The following PTPRN2 variants were observed in gnomAD, a reference collection of about 807,000 sequenced individuals.
PTPRN2 encodes the protein protein tyrosine phosphatase receptor type N2, also known as receptor-type tyrosine-protein phosphatase N2.
A neutral mutation model predicts 118.8 loss-of-function variants in PTPRN2; 74 were observed. The observed-to-expected ratio is 0.62, with a 90% confidence interval of 0.52 to 0.76. The LOEUF (loss-of-function observed/expected upper bound fraction) is 0.76, where lower values mean the gene tolerates loss of function less well. PTPRN2 is among the 30% of genes least tolerant of loss of function. PTPRN2 has a pLI of 0.00. For missense variants in PTPRN2, 1,481 were observed against 1,394.4 expected, an observed-to-expected ratio of 1.06 and a Z score of -0.99; for synonymous variants, 641 against 608.0, an observed-to-expected ratio of 1.05 and a Z score of -0.80.
chr7:157,978,257 C>T (rs980080202), intron 11 of PTPRN2, among the ~76,000 whole-genome samples: 3 of 151,964 alleles, frequency 2.0e-5, no homozygotes, highest in Admixed American at 1.3e-4. Flanking sequence ...TCTCAAACAG[C>T]TCCCGTGTGG....
At chr7:158,044,947 T>C (rs1808738091) in intron 11 of PTPRN2, among the ~76,000 whole-genome samples, 1 of 152,180 alleles carries the variant, frequency 6.6e-6, no homozygotes, top group South Asian at 2.1e-4. Context: ...CCCCAAACAA[T>C]AACAACAACT....
At chr7:157,668,437 C>G (rs1355364224) in intron 13 of PTPRN2, among the ~76,000 whole-genome samples, 8 of 152,214 alleles carry the variant, frequency 5.3e-5, no homozygotes, top group Non-Finnish European at 2.9e-5. Context: ...AGTGTGCGCA[C>G]AGAGAGCCTT....
intron 2 of PTPRN2, among the ~76,000 whole-genome samples, chr7:158,431,546 C>T (rs1402320387): frequency 6.8e-6 from 1 of 147,908 alleles, no homozygotes; most frequent in Non-Finnish European, 1.5e-5. Flanking sequence ...ATCGAGCACA[C>T]ACTGGCTCAC....
chr7:157,565,049 G>A (rs1469774109), intron 21 of PTPRN2, among the ~76,000 whole-genome samples: 1 of 152,252 alleles, frequency 6.6e-6, no homozygotes, highest in Admixed American at 6.5e-5. Context: ...ACATATAACA[G>A]TCACGGAAGC....
chr7:157,653,956 C>T, intron 14 of PTPRN2, among the ~76,000 whole-genome samples: 1 of 130,694 alleles, frequency 7.7e-6, no homozygotes, highest in Middle Eastern at 4.3e-3. Context: ...GCCCGCTGCT[C>T]CCCACACCCA....
At chr7:158,270,783 A>AGC (rs1798298513) in intron 3 of PTPRN2, among the ~76,000 whole-genome samples, 7 of 51,264 alleles carry the variant, frequency 1.4e-4, no homozygotes, top group African/African-American at 5.6e-4. Flanking sequence ...CACCTGGACC[A>AGC]CCCCTCCACC....
At chr7:158,270,276 G>A (rs1798220937) in intron 3 of PTPRN2, among the ~76,000 whole-genome samples, 1 of 152,238 alleles carries the variant, frequency 6.6e-6, no homozygotes, top group Non-Finnish European at 1.5e-5. Context: ...GGCAAGTCAT[G>A]GCCAGAAGGC....
intron 2 of PTPRN2, among the ~76,000 whole-genome samples, chr7:158,322,673 T>C (rs960232591): frequency 3.6e-5 from 5 of 138,058 alleles, no homozygotes; most frequent in African/African-American, 1.4e-4. Context: ...CAGTTCTGGA[T>C]CAGGCAGGAG....
intron 9 of PTPRN2, among the ~76,000 whole-genome samples, chr7:158,128,122 C>T (rs979725975): frequency 6.6e-6 from 1 of 152,114 alleles, no homozygotes; most frequent in Non-Finnish European, 1.5e-5. Context: ...TACAAAAGTC[C>T]CCCTTTTTTA....
chr7:158,352,115 C>G lies in PTPRN2; in HGVS notation c.164-35183G>C, dbSNP rs369921028. On this transcript the variant is annotated intron_variant, in intron 2 of 22. Coordinates refer to ENST00000389418, the MANE Select transcript of PTPRN2 (RefSeq NM_002847.5). ...CTGTCCGCTCCCCTCCTGACCGCTC[C>G]CCTCCTGTCCGCTCCCCTCCTGTCC... 2.2e-3 allele frequency among the ~76,000 whole-genome samples: 56 copies of G among 25,496 alleles called. 1 individual carries two copies. Among genetic ancestry groups the G allele is most frequent in the African/African-American group, 5.6e-3 (42 of 7,498 alleles). 16.7% of individuals were successfully genotyped at this position (25,496 alleles called of 152,430 possible). A position where few individuals can be genotyped will look rare whatever the true frequency, so the allele number is the denominator to read the frequency against.
rs567093114 is a variant in PTPRN2 at position 158,399,647 on chromosome 7, T to C, written c.164-82715A>G. 7.3e-5 allele frequency among the ~76,000 whole-genome samples: 11 copies of C among 150,988 alleles called. No individual in the cohort carries two copies. In the East Asian group the frequency reaches 1.9e-3, roughly 27 times the overall value. ...CTGCAGCCTGGGTGATAAAGCAAGATCCTGTCTCAAGAAAAGAAAGAAAAG... is the reference window on the plus strand; with the variant it reads ...CTGCAGCCTGGGTGATAAAGCAAGACCCTGTCTCAAGAAAAGAAAGAAAAG... On this transcript the variant is annotated intron_variant, in intron 2 of 22. Transcript: ENST00000389418.
chr7:158,071,300 G>GGTGGAGGTGCCCGTGGTA (rs1563390395), intron 11 of PTPRN2, among the ~76,000 whole-genome samples: 19 of 108,012 alleles, frequency 1.8e-4, no homozygotes, highest in Non-Finnish European at 3.0e-4. Flanking sequence ...AGGTGCTCGT[G>GGTGGAGGTGCCCGTGGTA]GTGGAGGTGC....
intron 17 of PTPRN2, among the ~76,000 whole-genome samples, chr7:157,593,818 C>T (rs1801134055): frequency 6.6e-6 from 1 of 152,234 alleles, no homozygotes; most frequent in South Asian, 2.1e-4. Flanking sequence ...GGCGACTCCC[C>T]AGCTGTGACA....
At chr7:157,756,890 G>T (rs13437790) in intron 12 of PTPRN2, among the ~76,000 whole-genome samples, 6,089 of 152,162 alleles carry the variant, frequency 0.04, 357 homozygotes, top group African/African-American at 0.13. Flanking sequence ...AGGGTTGTGC[G>T]GATGGGAGCG....
At chr7:158,222,468 T>C (rs1479952909) in intron 3 of PTPRN2, among the ~76,000 whole-genome samples, 1 of 152,022 alleles carries the variant, frequency 6.6e-6, no homozygotes, top group Non-Finnish European at 1.5e-5. Flanking sequence ...CAAATTAATA[T>C]AGGAACAGAA....
At chr7:157,649,409 G>A (rs1805457941) in intron 14 of PTPRN2, among the ~76,000 whole-genome samples, 1 of 136,082 alleles carries the variant, frequency 7.3e-6, no homozygotes, top group Admixed American at 7.4e-5. Context: ...ACTGAACTCG[G>A]TGGGTCAGAC....
chr7:158,300,139 ATG>A (rs1313965217), intron 3 of PTPRN2, among the ~76,000 whole-genome samples: 1 of 152,160 alleles, frequency 6.6e-6, no homozygotes, highest in Non-Finnish European at 1.5e-5. Flanking sequence ...CTCTGAAATG[ATG>A]ATATGGGTCA....
intron 1 of PTPRN2, among the ~76,000 whole-genome samples, chr7:158,560,550 C>G (rs567271607): frequency 6.6e-6 from 1 of 152,270 alleles, no homozygotes; most frequent in Non-Finnish European, 1.5e-5. Context: ...CGTGTAAGAA[C>G]GGTGACCACT....
At chr7:157,960,968 C>G (rs958305053) in intron 11 of PTPRN2, among the ~76,000 whole-genome samples, 18 of 152,196 alleles carry the variant, frequency 1.2e-4, no homozygotes, top group African/African-American at 4.3e-4. Flanking sequence ...GAACATGCCA[C>G]TGCACTCCAG....
Sources: gnomAD v4.1 joint callset for allele counts (sites outside exome capture counted in the v4.1 genomes callset) on GRCh38, gnomAD v4.1.1 for gene constraint, MANE v1.5 for transcripts, NCBI Gene and HGNC (gene_info 2026-07-23, HGNC 2026-07-21) for gene names.